Variants in LRRC4C observed in about 807,000 individuals in gnomAD.
LRRC4C encodes the protein leucine rich repeat containing 4C.
LRRC4C carries 5 observed loss-of-function variants against 33.6 expected under a neutral mutation model. The ratio of observed to expected loss-of-function variants is 0.15; its 90% CI spans 0.08 to 0.31. The LOEUF (loss-of-function observed/expected upper bound fraction) is 0.31. Among genes scored for constraint, LRRC4C ranks in the 10% least tolerant of loss-of-function variants. The pLI is 1.00. For missense variants in LRRC4C, 560 were observed against 796.7 expected (o/e 0.70, Z 3.58); for synonymous variants, 329 against 302.0 (o/e 1.09, Z -0.93).
intron 1 of LRRC4C, among the ~76,000 whole-genome samples, chr11:41,294,899 T>A (rs1950094175): frequency 6.6e-6 from 1 of 152,206 alleles, no homozygotes; most frequent in Non-Finnish European, 1.5e-5. Context: ...CTGAGTAGGC[T>A]AAATAAAGCC....
intron 2 of LRRC4C, among the ~76,000 whole-genome samples, chr11:40,748,588 A>T (rs1948540241): frequency 6.6e-6 from 1 of 152,124 alleles, no homozygotes; most frequent in South Asian, 2.1e-4. Flanking sequence ...CAAAGAAAAT[A>T]CAAAAGAACC....
intron 1 of LRRC4C, among the ~76,000 whole-genome samples, chr11:41,387,321 A>G (rs2137956237): frequency 6.6e-6 from 1 of 151,870 alleles, no homozygotes; most frequent in Non-Finnish European, 1.5e-5. Flanking sequence ...TTCAGTTTGG[A>G]GACAGACAGG....
At chr11:40,872,923 C>A (rs1433493471) in intron 2 of LRRC4C, among the ~76,000 whole-genome samples, 1 of 152,076 alleles carries the variant, frequency 6.6e-6, no homozygotes, top group Non-Finnish European at 1.5e-5. Context: ...GAGTTAGAAT[C>A]TTTAATTTTA....
At chr11:40,794,132 T>A (rs1408398570) in intron 2 of LRRC4C, among the ~76,000 whole-genome samples, 1 of 152,022 alleles carries the variant, frequency 6.6e-6, no homozygotes, top group African/African-American at 2.4e-5. Flanking sequence ...ACCAACAGAA[T>A]CTTGGAATAT....
intron 1 of LRRC4C, among the ~76,000 whole-genome samples, chr11:41,270,831 G>C (rs1949297581): frequency 6.6e-6 from 1 of 152,068 alleles, no homozygotes; most frequent in Non-Finnish European, 1.5e-5. Flanking sequence ...GTATTCAGAA[G>C]TCTAAAATCA....
chr11:40,741,623 T>A (rs56660135), intron 2 of LRRC4C, among the ~76,000 whole-genome samples: 2,137 of 152,226 alleles, frequency 0.014, 44 homozygotes, highest in African/African-American at 0.049. Context: ...GATTCATGAC[T>A]TTATTTTTGG....
intron 1 of LRRC4C, among the ~76,000 whole-genome samples, chr11:40,935,075 TG>T (rs1281751254): frequency 6.6e-6 from 1 of 152,150 alleles, no homozygotes; most frequent in Non-Finnish European, 1.5e-5. Context: ...TTTTTAAAAT[TG>T]TTGTTCTCCT....
intron 3 of LRRC4C, among the ~76,000 whole-genome samples, chr11:40,496,658 T>G (rs1954476398): frequency 6.6e-6 from 1 of 152,108 alleles, no homozygotes; most frequent in African/African-American, 2.4e-5. Flanking sequence ...CACACCTGAG[T>G]TATGTCTTCA....
At chr11:40,906,525 GACAAACAA>G (rs113656683) in intron 2 of LRRC4C, among the ~76,000 whole-genome samples, 8 of 151,898 alleles carry the variant, frequency 5.3e-5, no homozygotes, top group African/African-American at 1.9e-4. Flanking sequence ...CAAACAAACA[GACAAACAA>G]ACAAACAAAC....
At chr11:40,383,491 T>C (rs973186964) in intron 3 of LRRC4C, among the ~76,000 whole-genome samples, 8 of 152,202 alleles carry the variant, frequency 5.3e-5, no homozygotes, top group Non-Finnish European at 1.0e-4. Flanking sequence ...GTATAAGGGT[T>C]CCATTTTCTT....
chr11:41,451,201 T>C (rs1956009577), intron 1 of LRRC4C, among the ~76,000 whole-genome samples: 1 of 152,136 alleles, frequency 6.6e-6, no homozygotes, highest in African/African-American at 2.4e-5. Flanking sequence ...AGCAAAAGAA[T>C]GTACTGTTAC....
chr11:40,207,118 T>A (rs917271239), intron 5 of LRRC4C, among the ~76,000 whole-genome samples: 3 of 152,186 alleles, frequency 2.0e-5, no homozygotes, highest in Admixed American at 2.0e-4. Context: ...TTACCAAGCC[T>A]TGATCAATCT....
At chr11:40,890,448 A>C (rs1296254389) in intron 2 of LRRC4C, among the ~76,000 whole-genome samples, 1 of 152,186 alleles carries the variant, frequency 6.6e-6, no homozygotes, top group Non-Finnish European at 1.5e-5. Flanking sequence ...CATGAGGGCA[A>C]AGGCCTCATG....
chr11:41,273,397 G>C (rs1335156622), intron 1 of LRRC4C, among the ~76,000 whole-genome samples: 2 of 152,098 alleles, frequency 1.3e-5, no homozygotes, highest in African/African-American at 4.8e-5. Context: ...GGATACAATG[G>C]CATATTATTC....
chr11:41,352,981 A>G (rs1383851448), intron 1 of LRRC4C, among the ~76,000 whole-genome samples: 1 of 152,138 alleles, frequency 6.6e-6, no homozygotes, highest in Non-Finnish European at 1.5e-5. Context: ...ACAAGAGCAC[A>G]TCAACCCCAA....
rs77975611 is a variant in LRRC4C, at chr11:41,249,330, G to T, written c.-496+210101C>A. ...ATTACAGGCGTGAGCCACCGCGCCCGGCCAAGATACTATCTTCTTATACTT... is the reference window on the plus strand; with the variant it reads ...ATTACAGGCGTGAGCCACCGCGCCCTGCCAAGATACTATCTTCTTATACTT... On this transcript the variant is annotated intron_variant, in intron 1 of 6. Transcript: ENST00000528697. Among the ~76,000 whole-genome samples the T allele has an allele frequency of 5.9e-3, 904 of 152,150 alleles. 12 individuals carry two copies. Among genetic ancestry groups the T allele is most frequent in the African/African-American group, 0.021 (853 of 41,536 alleles).
chr11:40,995,098 T>A (rs1390997938), intron 1 of LRRC4C, among the ~76,000 whole-genome samples: 1 of 152,190 alleles, frequency 6.6e-6, no homozygotes, highest in Non-Finnish European at 1.5e-5. Flanking sequence ...ACTTAATGTG[T>A]GTTTTTGAGA....
rs1446371900 is a variant in LRRC4C, at chr11:41,378,970, CTCTT to C, written c.-496+80457_-496+80460del. Among the ~76,000 whole-genome samples the C allele has an allele frequency of 6.3e-5, 9 of 142,222 alleles. No homozygotes were observed. In the East Asian group the frequency reaches 1.2e-3, roughly 19 times the overall value. 93.3% of individuals were successfully genotyped at this position (142,222 alleles called of 152,430 possible). ...TTCTTTTTTCATATTGTCTTGATTTCTCTTTCTTCATTATCTTTTCAGTATATTC... is the reference window on the plus strand; with the variant it reads ...TTCTTTTTTCATATTGTCTTGATTTCTCTTCATTATCTTTTCAGTATATTC... On this transcript the variant is annotated intron_variant, in intron 1 of 6. Coordinates refer to ENST00000528697, the MANE Select transcript of LRRC4C (RefSeq NM_001258419.2).
At chr11:40,186,924 T>C (rs1049423279) in intron 5 of LRRC4C, among the ~76,000 whole-genome samples, 2 of 152,126 alleles carry the variant, frequency 1.3e-5, no homozygotes, top group African/African-American at 2.4e-5. Context: ...TCAGGAAGCA[T>C]TTTGTGCAGG....
Sources: allele counts gnomAD v4.1 joint callset (sites outside exome capture counted in the v4.1 genomes callset), GRCh38; gene constraint gnomAD v4.1.1; transcripts MANE v1.5; gene names NCBI Gene and HGNC (gene_info 2026-07-23, HGNC 2026-07-21).